Variants in SORBS2 observed in about 807,000 individuals in gnomAD.
SORBS2 encodes sorbin and SH3 domain-containing protein 2.
SORBS2 carries 46 observed loss-of-function variants against 97.7 expected under a neutral mutation model. That is an observed-to-expected ratio of 0.47 (90% CI 0.37 to 0.60). The LOEUF (loss-of-function observed/expected upper bound fraction) is 0.60. Among genes scored for constraint, SORBS2 ranks in the 20% least tolerant of loss-of-function variants. The pLI, the probability that SORBS2 is intolerant of heterozygous loss-of-function variation, is 0.00. For missense variants in SORBS2, 1,316 were observed against 1,282.3 expected (o/e 1.03, Z -0.40); for synonymous variants, 476 against 473.4 (o/e 1.01, Z -0.07).
At chr4:185,762,035 G>A (rs557855872) in intron 2 of SORBS2, among the ~76,000 whole-genome samples, 9 of 152,318 alleles carry the variant, frequency 5.9e-5, no homozygotes, top group African/African-American at 1.9e-4. Flanking sequence ...ACGGAAGGCA[G>A]AGAGAATGGA....
At chr4:185,711,570 A>T (rs73015532) in intron 2 of SORBS2, among the ~76,000 whole-genome samples, 2,505 of 152,252 alleles carry the variant, frequency 0.016, 83 homozygotes, top group African/African-American at 0.057. Context: ...GGTGTCTAAC[A>T]TATTTTTACT....
At chr4:185,752,214 CATTT>C (rs1412574305) in intron 2 of SORBS2, among the ~76,000 whole-genome samples, 2 of 152,166 alleles carry the variant, frequency 1.3e-5, no homozygotes, top group African/African-American at 2.4e-5. Flanking sequence ...ATGTAAGCAA[CATTT>C]ATTACTGTAG....
At chr4:185,686,985 G>A (rs773590267) in intron 2 of SORBS2, among the ~76,000 whole-genome samples, 1 of 152,270 alleles carries the variant, frequency 6.6e-6, no homozygotes, top group Non-Finnish European at 1.5e-5. Context: ...TCATATTTTG[G>A]AAAAACTGGG....
chr4:185,613,847 G>A (rs922747276), intron 11 of SORBS2, among the ~76,000 whole-genome samples: 1 of 151,992 alleles, frequency 6.6e-6, no homozygotes, highest in Non-Finnish European at 1.5e-5. Context: ...GCAGCCCAGA[G>A]GATAGGAAAG....
At chr4:185,658,283 C>G (rs577795051), upstream of SORBS2, among the ~76,000 whole-genome samples, 14 of 152,162 alleles carry the variant, frequency 9.2e-5, no homozygotes, top group African/African-American at 3.4e-4. Flanking sequence ...ACAAAAACTG[C>G]CCTAAGGATA....
chr4:185,694,702 C>CTTTTTTTTTTTT (rs1561959911), intron 2 of SORBS2, among the ~76,000 whole-genome samples: 1 of 84,588 alleles, frequency 1.2e-5, no homozygotes, highest in African/African-American at 4.0e-5. Flanking sequence ...TTTTCCTTTT[C>CTTTTTTTTTTTT]TTTCTTTTCT....
chr4:185,951,936 G>A (rs1371099652), intron 1 of SORBS2, among the ~76,000 whole-genome samples: 1 of 151,976 alleles, frequency 6.6e-6, no homozygotes, highest in Non-Finnish European at 1.5e-5. Flanking sequence ...TTCTTTTTTT[G>A]GAAGAATTCC....
intron 11 of SORBS2, among the ~76,000 whole-genome samples, chr4:185,612,863 T>C (rs1212296473): frequency 6.6e-6 from 1 of 152,140 alleles, no homozygotes; most frequent in African/African-American, 2.4e-5. Flanking sequence ...GAGAGCGCCC[T>C]AGAATATCAA....
chr4:185,676,812 A>C (rs1296386125), intron 4 of SORBS2, among the ~76,000 whole-genome samples: 1 of 152,236 alleles, frequency 6.6e-6, no homozygotes, highest in East Asian at 1.9e-4. Flanking sequence ...TTTACATTTA[A>C]AAATACCTAG....
intron 1 of SORBS2, among the ~76,000 whole-genome samples, chr4:185,917,210 T>C (rs747774279): frequency 3.9e-5 from 6 of 152,214 alleles, no homozygotes; most frequent in Non-Finnish European, 7.3e-5. Flanking sequence ...TGTGCGTCTC[T>C]TCATCTGTAT....
chr4:185,688,982 G>C (rs146156540), intron 2 of SORBS2, among the ~76,000 whole-genome samples: 2 of 152,194 alleles, frequency 1.3e-5, no homozygotes, highest in Non-Finnish European at 2.9e-5. Flanking sequence ...GAAATGAGAA[G>C]ATGCTTTAGA....
chr4:185,920,076 G>C (rs1193071907), intron 1 of SORBS2, among the ~76,000 whole-genome samples: 4 of 152,184 alleles, frequency 2.6e-5, no homozygotes, highest in East Asian at 3.8e-4. Context: ...ATTATTCTAA[G>C]AGGAAACATT....
intron 8 of SORBS2, among the ~76,000 whole-genome samples, chr4:185,619,830 C>T (rs922555077): frequency 6.6e-6 from 1 of 152,166 alleles, no homozygotes; most frequent in African/African-American, 2.4e-5. Context: ...TCGGAGAAGC[C>T]TCATGGCCAA....
At chr4:185,755,189 A>G (rs1004783845) in intron 2 of SORBS2, among the ~76,000 whole-genome samples, 10 of 152,262 alleles carry the variant, frequency 6.6e-5, no homozygotes, top group African/African-American at 2.2e-4. Flanking sequence ...AGACTCTGTC[A>G]AACAGTCAGC....
intron 1 of SORBS2, among the ~76,000 whole-genome samples, chr4:185,923,592 C>T (rs2099262070): frequency 6.7e-6 from 1 of 149,804 alleles, no homozygotes; most frequent in South Asian, 2.1e-4. Context: ...AACCACCGTG[C>T]CTGGCCAATT....
chr4:185,841,050 T>G (rs889519646), intron 1 of SORBS2, among the ~76,000 whole-genome samples: 3 of 151,610 alleles, frequency 2.0e-5, no homozygotes, highest in African/African-American at 4.9e-5. Context: ...GAAGGCAACG[T>G]GGGTGAGACG....
intron 1 of SORBS2, among the ~76,000 whole-genome samples, chr4:185,926,573 A>G (rs2099263828): frequency 2.0e-5 from 3 of 151,170 alleles, no homozygotes; most frequent in African/African-American, 4.9e-5. Flanking sequence ...TTTAATGGCA[A>G]TGTAGAATTC....
intron 2 of SORBS2, among the ~76,000 whole-genome samples, chr4:185,701,345 T>C (rs2153532604): frequency 6.6e-6 from 1 of 152,340 alleles, no homozygotes; most frequent in African/African-American, 2.4e-5. Flanking sequence ...AACCTGGGCC[T>C]CTTGTTCGCA....
intron 4 of SORBS2, among the ~76,000 whole-genome samples, chr4:185,663,342 T>G (rs1582145485): frequency 6.6e-6 from 1 of 152,244 alleles, no homozygotes; most frequent in Non-Finnish European, 1.5e-5. Flanking sequence ...TGATTTCACT[T>G]TAAAGCAAAT....
Sources: allele counts gnomAD v4.1 joint callset (sites outside exome capture counted in the v4.1 genomes callset), GRCh38; gene constraint gnomAD v4.1.1; transcripts MANE v1.5; gene names NCBI Gene and HGNC (gene_info 2026-07-23, HGNC 2026-07-21).